The following ARHGAP39 variants were observed in gnomAD, a reference collection of about 807,000 sequenced individuals.
The protein encoded by ARHGAP39 is rho GTPase-activating protein 39.
Under a neutral mutation model 106.9 loss-of-function variants are expected in ARHGAP39, and 44 were observed. The ratio of observed to expected loss-of-function variants is 0.41; its 90% CI spans 0.32 to 0.53. ARHGAP39 has a LOEUF of 0.53. Among genes scored for constraint, ARHGAP39 ranks in the 20% least tolerant of loss-of-function variants. The pLI is 0.21. For missense variants in ARHGAP39, 1,496 were observed against 1,577.3 expected (o/e 0.95, Z 0.87); for synonymous variants, 768 against 693.2 (o/e 1.11, Z -1.69).
In ARHGAP39 at chr8:144,534,138, C is replaced by T. The variant is rs1314298473; in HGVS notation, c.2679G>A (p.Gly893=). The change falls in exon 8 of 12, where the codon GGG becomes GGA. Residue 893 remains glycine (G), a synonymous_variant. Transcript: ENST00000377307. The stretch of plus-strand genomic sequence containing the variant: ...CCAGGCGCACCCGTACCTTCTTGGC[C>T]CCGGTCAGGGCTGCCTTCTGTAGCT... The part of the protein sequence containing the change: ...YHKLQKAALT[G]AKKGLKKPNV... 1.2e-6 allele frequency: 2 copies of T among 1,613,036 alleles called. No homozygotes were observed. The highest frequency in any genetic ancestry group is 8.5e-7 in the Non-Finnish European group (1 of 1,179,740).
chr8:144,685,609 C>T (rs1822568396), intron 1 of ARHGAP39, among the ~76,000 whole-genome samples, 77 bp downstream of exon 1: 1 of 148,936 alleles, frequency 6.7e-6, no homozygotes, highest in Non-Finnish European at 1.5e-5. Context: ...TGGGCCAGGA[C>T]CACGGGGACC....
At chr8:144,606,681 G>A (rs1286917578) in intron 1 of ARHGAP39, among the ~76,000 whole-genome samples, 1 of 152,090 alleles carries the variant, frequency 6.6e-6, no homozygotes, top group African/African-American at 2.4e-5. Context: ...GTAAGACATG[G>A]GTTTTTGACC....
At chr8:144,554,196 T>C (rs1055497370) in intron 4 of ARHGAP39, among the ~76,000 whole-genome samples, 2 of 152,154 alleles carry the variant, frequency 1.3e-5, no homozygotes, top group Admixed American at 6.5e-5. Flanking sequence ...GACCAGGACC[T>C]GGTGTGTCAG....
At chr8:144,600,842 C>T (rs895845836) in intron 2 of ARHGAP39, among the ~76,000 whole-genome samples, 3 of 146,564 alleles carry the variant, frequency 2.0e-5, no homozygotes, top group African/African-American at 7.6e-5. Context: ...TGTGTGTGCT[C>T]GTGTACCTGT....
In ARHGAP39 at chr8:144,601,999, CTG is replaced by C. The variant is rs200029201; in HGVS notation, c.80+3534_80+3535del. ...GAGGTGCGTGTGCGAGCTCATGTAC[CTG>C]TGTGTGTGCATGGAGGCGTGTGTGT... On this transcript the variant is annotated intron_variant, in intron 2 of 11. Transcript: ENST00000377307. 6.1e-4 allele frequency among the ~76,000 whole-genome samples: 76 copies of C among 123,616 alleles called. 1 individual carries two copies. Among genetic ancestry groups the C allele is most frequent in the East Asian group, 1.5e-3 (6 of 3,890 alleles). 81.1% of individuals were successfully genotyped at this position (123,616 alleles called of 152,430 possible). A position where few individuals can be genotyped will look rare whatever the true frequency, so the allele number is the denominator to read the frequency against.
chr8:144,580,997 C>T lies in ARHGAP39; in HGVS notation c.361G>A (p.Glu121Lys). The change falls in exon 3 of 12, where the codon GAG becomes AAG. Residue 121 changes from glutamate (E) to lysine (K), a missense_variant. Physicochemically the swap from Glu to Lys is moderately conservative, Grantham distance 56. Around this residue, in one of 4 missense-constraint regions of ARHGAP39, gnomAD observed 905 missense variants for 816.4 expected, o/e 1.11. Transcript: ENST00000377307. ...CTGCTGCCGCGCCCGGGGCTGCTCT[C>T]CGCCGAGGCGCGCGGGGACTCCGTG... The part of the protein sequence containing the change: ...QNTESPRASA[E>K]SSPGRGSSVS... 1.9e-6 allele frequency: 3 copies of T among 1,595,490 alleles called. No homozygotes were observed. The highest frequency in any genetic ancestry group is 2.6e-6 in the Non-Finnish European group (3 of 1,171,770).
intron 1 of ARHGAP39, among the ~76,000 whole-genome samples, chr8:144,643,344 C>G (rs1245690019): frequency 6.6e-6 from 1 of 152,124 alleles, no homozygotes; most frequent in Non-Finnish European, 1.5e-5. Flanking sequence ...TTCTCAGCTA[C>G]TTGGGAGGCC....
In ARHGAP39 at chr8:144,547,942, A is replaced by C. The variant is rs1817527897; in HGVS notation, c.1144T>G (p.Phe382Val). ...GCGGGACTGTACTCCAGGCTCAGGA[A>C]GCGCTCGGGACACTTCTGCTTGGTG... is the stretch of plus-strand genomic sequence containing the variant. Reference protein sequence around the residue: ...VLTKQKCPERFLSLEYSPAGK... With the variant: ...VLTKQKCPERVLSLEYSPAGK... The change falls in exon 5 of 12, where the codon TTC (phenylalanine) becomes GTC (valine). Residue 382 changes from phenylalanine to valine, a missense_variant. Around this residue, in one of 4 missense-constraint regions of ARHGAP39, gnomAD observed 905 missense variants for 816.4 expected, o/e 1.11. Transcript: ENST00000377307. This position sits in a 1 kb window ranked among gnomAD's most constrained non-coding sequence, Gnocchi z 5.2. 1 of 1,595,612 alleles carries C rather than the reference A, an allele frequency of 6.3e-7. No homozygotes were observed. Among genetic ancestry groups the C allele is most frequent in the African/African-American group, 1.3e-5 (1 of 74,506 alleles).
chr8:144,696,894 C>G, the ARHGAP39 span, among the ~76,000 whole-genome samples: 1 of 152,168 alleles, frequency 6.6e-6, no homozygotes, highest in Admixed American at 6.5e-5. Context: ...CTAGGTACTG[C>G]ACATAAGCAG....
chr8:144,579,460 G>A (rs1359276199), intron 3 of ARHGAP39, among the ~76,000 whole-genome samples: 3 of 152,044 alleles, frequency 2.0e-5, no homozygotes, highest in Admixed American at 6.6e-5. Context: ...CGCCACGCCC[G>A]AGCCTCCGCT....
intron 6 of ARHGAP39, 105 bp downstream of exon 6, chr8:144,545,144 T>C (rs2130837567): frequency 4.5e-6 from 5 of 1,117,016 alleles, no homozygotes; most frequent in Admixed American, 2.7e-5. Context: ...ACCATGGCCC[T>C]GTGTGGAGGG....
chr8:144,574,543 G>C (rs113554215), intron 3 of ARHGAP39, among the ~76,000 whole-genome samples: 1 of 151,934 alleles, frequency 6.6e-6, no homozygotes, highest in Admixed American at 6.6e-5. Flanking sequence ...GTGTGGTGGC[G>C]GGCACCTGTA....
chr8:144,566,810 G>A (rs866054481), intron 3 of ARHGAP39, among the ~76,000 whole-genome samples: 2 of 151,192 alleles, frequency 1.3e-5, no homozygotes, highest in South Asian at 2.1e-4. Flanking sequence ...AGCCGAGATC[G>A]TGCCACTGCG....
chr8:144,675,384 G>A (rs1300303181), intron 1 of ARHGAP39, among the ~76,000 whole-genome samples: 1 of 152,216 alleles, frequency 6.6e-6, no homozygotes, highest in East Asian at 1.9e-4. Flanking sequence ...CAAGAACGAA[G>A]CCGCGGACCC....
At chr8:144,593,025 G>A (rs1238441756) in intron 2 of ARHGAP39, among the ~76,000 whole-genome samples, 3 of 152,204 alleles carry the variant, frequency 2.0e-5, no homozygotes, top group Non-Finnish European at 2.9e-5. Context: ...GAAGTGGGAA[G>A]AGAAATAAGC....
intron 1 of ARHGAP39, among the ~76,000 whole-genome samples, chr8:144,609,789 C>G (rs1411060739): frequency 6.6e-6 from 1 of 152,160 alleles, no homozygotes; most frequent in Non-Finnish European, 1.5e-5. Context: ...ATTTTTGCAT[C>G]TATTTTCTTC....
intron 6 of ARHGAP39, among the ~76,000 whole-genome samples, chr8:144,544,126 GC>G (rs1206911419): frequency 6.6e-6 from 1 of 152,226 alleles, no homozygotes; most frequent in African/African-American, 2.4e-5. Context: ...CACACCTGGA[GC>G]CCCGGCCACC....
At chr8:144,623,431 T>A (rs1820854787) in intron 1 of ARHGAP39, among the ~76,000 whole-genome samples, 1 of 152,094 alleles carries the variant, frequency 6.6e-6, no homozygotes, top group South Asian at 2.1e-4. Context: ...ACCAAACACA[T>A]CTAAAGTATA....
chr8:144,674,290 G>A (rs1586651458), intron 1 of ARHGAP39, among the ~76,000 whole-genome samples: 1 of 152,222 alleles, frequency 6.6e-6, no homozygotes, highest in Admixed American at 6.5e-5. Flanking sequence ...TTCACTGTGC[G>A]ACAGAACAGC....
Sources: gnomAD v4.1 joint callset for allele counts (sites outside exome capture counted in the v4.1 genomes callset) on GRCh38, gnomAD v4.1.1 for gene constraint, gnomAD v4.1.1 regional missense constraint, Gnocchi (gnomAD v3.1) non-coding constraint, MANE v1.5 for transcripts, NCBI Gene and HGNC (gene_info 2026-07-23, HGNC 2026-07-21) for gene names.